Variants in SPAG16 observed in about 807,000 individuals in gnomAD.
SPAG16 encodes the protein sperm-associated antigen 16 protein.
A neutral mutation model predicts 80.4 loss-of-function variants in SPAG16; 86 were observed. The observed-to-expected ratio is 1.07, with a 90% CI of 0.90 to 1.28. The LOEUF (loss-of-function observed/expected upper bound fraction) is 1.28. Among genes scored for constraint, SPAG16 ranks in the 50% most tolerant of loss-of-function variants. The pLI is 0.00. For missense variants in SPAG16, 870 were observed against 765.3 expected (o/e 1.14, Z -1.61); for synonymous variants, 294 against 265.9 (o/e 1.11, Z -1.03).
chr2:213,862,188 T>G (rs72941157), intron 10 of SPAG16, among the ~76,000 whole-genome samples: 52,156 of 151,840 alleles, frequency 0.34, 9,378 homozygotes, highest in South Asian at 0.47. Flanking sequence ...AGAAAAACCA[T>G]AATTACTCTT....
chr2:213,818,363 A>G (rs972305975), intron 10 of SPAG16, among the ~76,000 whole-genome samples: 1 of 152,044 alleles, frequency 6.6e-6, no homozygotes, highest in Non-Finnish European at 1.5e-5. Context: ...ATCTCAGGTC[A>G]TTGTTTTCTT....
At chr2:213,346,520 G>A (rs1343758227) in intron 6 of SPAG16, among the ~76,000 whole-genome samples, 1 of 152,138 alleles carries the variant, frequency 6.6e-6, no homozygotes, top group African/African-American at 2.4e-5. Flanking sequence ...CTGTGGGTTT[G>A]TCATAGATAG....
chr2:213,763,030 A>G (rs1244546428), intron 10 of SPAG16, among the ~76,000 whole-genome samples: 1 of 152,238 alleles, frequency 6.6e-6, no homozygotes, highest in Non-Finnish European at 1.5e-5. Flanking sequence ...GTGTATGTAA[A>G]GGTGCTCACC....
At chr2:213,893,343 A>G (rs1042441753) in intron 11 of SPAG16, among the ~76,000 whole-genome samples, 3 of 152,162 alleles carry the variant, frequency 2.0e-5, no homozygotes, top group African/African-American at 7.2e-5. Flanking sequence ...AGAAAAAAAA[A>G]TGTGAAGGAA....
At chr2:213,427,312 A>C (rs1053909165) in intron 9 of SPAG16, among the ~76,000 whole-genome samples, 3 of 152,208 alleles carry the variant, frequency 2.0e-5, no homozygotes, top group Admixed American at 1.3e-4. Flanking sequence ...TAGTATACCC[A>C]AAACTTTTAG....
chr2:213,591,537 C>T (rs1261301402), intron 10 of SPAG16, among the ~76,000 whole-genome samples: 1 of 151,990 alleles, frequency 6.6e-6, no homozygotes, highest in African/African-American at 2.4e-5. Context: ...TTTAAAAATA[C>T]TACCAGTGTT....
At chr2:213,587,423 T>C (rs1363607268) in intron 10 of SPAG16, among the ~76,000 whole-genome samples, 3 of 152,142 alleles carry the variant, frequency 2.0e-5, no homozygotes, top group African/African-American at 7.2e-5. Context: ...GCAGAGCCCA[T>C]GATCTGAGGT....
In SPAG16 at chr2:213,637,214, T is replaced by C. The variant is rs181227427; in HGVS notation, c.1070+147124T>C. Reference sequence around the variant, plus strand: ...TTTTCTGTATCTATTGAGATAATCATGTGATTTTTGTTTTAAATTCTGTTT... The same window carrying C: ...TTTTCTGTATCTATTGAGATAATCACGTGATTTTTGTTTTAAATTCTGTTT... On this transcript the variant is annotated intron_variant, in intron 10 of 15. Transcript: ENST00000331683. Among the ~76,000 whole-genome samples the C allele has an allele frequency of 9.2e-5, 14 of 152,374 alleles. No individual in the cohort carries two copies. In the East Asian group the frequency reaches 2.3e-3, roughly 25 times the overall value.
intron 10 of SPAG16, among the ~76,000 whole-genome samples, chr2:213,579,617 T>G (rs919539048): frequency 1.3e-5 from 2 of 152,064 alleles, no homozygotes; most frequent in Admixed American, 6.6e-5. Context: ...AAAGAAGGAG[T>G]AATTCTCATT....
chr2:214,177,969 ATG>A (rs201966471), intron 15 of SPAG16, among the ~76,000 whole-genome samples: 36,819 of 75,142 alleles, frequency 0.49, 8,492 homozygotes, highest in Non-Finnish European at 0.55. Flanking sequence ...CACAAAGTGT[ATG>A]TATATATATA....
At chr2:213,966,491 T>TA (rs2044716431) in intron 12 of SPAG16, among the ~76,000 whole-genome samples, 1 of 152,250 alleles carries the variant, frequency 6.6e-6, no homozygotes, top group African/African-American at 2.4e-5. Flanking sequence ...ATAATCCCTT[T>TA]AAAAATATTA....
At chr2:213,979,580 A>G (rs1187816738) in intron 12 of SPAG16, among the ~76,000 whole-genome samples, 1 of 152,046 alleles carries the variant, frequency 6.6e-6, no homozygotes, top group Non-Finnish European at 1.5e-5. Context: ...ACACTTATAA[A>G]ACCATCAGAT....
At position 214,149,128 on chromosome 2, in the gene SPAG16, T is replaced by A; in HGVS notation, c.1594-12T>A. On this transcript the variant is annotated splice_polypyrimidine_tract_variant and intron_variant, in intron 14 of 15. Transcript: ENST00000331683. The stretch of plus-strand genomic sequence containing the variant: ...ATACACATTTTATTTTTGTTTATCT[T>A]ATATTTTGAAGGGTCACATGATAGC... 2 of 1,498,716 alleles carry A rather than the reference T, an allele frequency of 1.3e-6. No individual in the cohort carries two copies. Among genetic ancestry groups the A allele is most frequent in the South Asian group, 1.3e-5 (1 of 79,360 alleles). 92.8% of individuals were successfully genotyped at this position (1,498,716 alleles called of 1,614,324 possible).
chr2:214,127,876 C>A (rs2054572678), intron 14 of SPAG16, among the ~76,000 whole-genome samples: 1 of 151,830 alleles, frequency 6.6e-6, no homozygotes, highest in African/African-American at 2.4e-5. Flanking sequence ...GTACAAATTT[C>A]TTTGGTCAGT....
chr2:213,463,680 A>T (rs1193650083), intron 9 of SPAG16, among the ~76,000 whole-genome samples: 2 of 152,208 alleles, frequency 1.3e-5, no homozygotes, highest in Admixed American at 6.5e-5. Context: ...ATTTCAGAGG[A>T]TGTATGGAAA....
At chr2:213,289,562 A>AC (rs2062189413) in intron 1 of SPAG16, among the ~76,000 whole-genome samples, 1 of 152,192 alleles carries the variant, frequency 6.6e-6, no homozygotes, top group Admixed American at 6.5e-5. Context: ...CATGCCAGCT[A>AC]CCTTCCATTT....
At chr2:214,262,192 G>T (rs1331441469) in intron 15 of SPAG16, among the ~76,000 whole-genome samples, 1 of 151,802 alleles carries the variant, frequency 6.6e-6, no homozygotes, top group Non-Finnish European at 1.5e-5. Context: ...TATTATATAA[G>T]AAAAACATTT....
intron 11 of SPAG16, 39 bp from the exon 12 acceptor site, chr2:213,929,921 C>T: frequency 6.4e-7 from 1 of 1,572,446 alleles, no homozygotes; most frequent in Non-Finnish European, 8.7e-7. Context: ...AATTATGTTA[C>T]TTTTTAAACA....
intron 15 of SPAG16, among the ~76,000 whole-genome samples, chr2:214,230,033 G>T (rs957463931): frequency 6.6e-6 from 1 of 151,728 alleles, no homozygotes; most frequent in Non-Finnish European, 1.5e-5. Flanking sequence ...ATATATTATA[G>T]CAGATGGAGA....
Sources: allele counts gnomAD v4.1 joint callset (sites outside exome capture counted in the v4.1 genomes callset), GRCh38; gene constraint gnomAD v4.1.1; transcripts MANE v1.5; gene names NCBI Gene and HGNC (gene_info 2026-07-23, HGNC 2026-07-21).